Variants in ENOX2 observed in about 807,000 individuals in gnomAD.
ENOX2 encodes the protein APK1 antigen.
In ENOX2, 36 loss-of-function variants were observed where a neutral mutation model predicts 45.0. The ratio of observed to expected loss-of-function variants is 0.80; its 90% CI spans 0.61 to 1.06. The LOEUF (loss-of-function observed/expected upper bound fraction) is 1.06. Ranked by LOEUF, ENOX2 falls within the 50% of genes least tolerant of loss-of-function variation. The probability of loss-of-function intolerance (pLI) is 0.00; values close to 1 mark genes in which losing one functional copy is unlikely to be tolerated. For synonymous variants in ENOX2, 174 were observed against 152.3 expected, an observed-to-expected ratio of 1.14 and a Z score of -1.05; for missense variants, 423 against 462.5, an observed-to-expected ratio of 0.91 and a Z score of 0.78.
intron 2 of ENOX2, among the ~76,000 whole-genome samples, chrX:130,863,236 C>G: frequency 1.8e-5 from 2 of 112,446 alleles, no homozygotes; most frequent in Middle Eastern, 4.6e-3. Flanking sequence ...AATGTTAAAG[C>G]TAGGTGGGAC....
chrX:130,637,683 G>A (rs1370350176), intron 10 of ENOX2, among the ~76,000 whole-genome samples: 1 of 111,542 alleles, frequency 9.0e-6, no homozygotes, highest in Non-Finnish European at 1.9e-5. Flanking sequence ...TGAAATGTAG[G>A]AAATAACAGC....
At chrX:130,648,009 T>C (rs971831541) in intron 10 of ENOX2, among the ~76,000 whole-genome samples, 5 of 111,594 alleles carry the variant, frequency 4.5e-5, no homozygotes, top group African/African-American at 1.6e-4. Context: ...AATCAAACTC[T>C]GACGTGAAAA....
intron 2 of ENOX2, among the ~76,000 whole-genome samples, chrX:130,848,035 T>C (rs1262586164): frequency 9.0e-6 from 1 of 111,594 alleles, no homozygotes; most frequent in African/African-American, 3.3e-5. Context: ...GTTGTTTTTG[T>C]TTTTGTTTTT....
intron 3 of ENOX2, among the ~76,000 whole-genome samples, chrX:130,715,632 C>G (rs2038310017): frequency 9.0e-6 from 1 of 110,668 alleles, no homozygotes; most frequent in South Asian, 3.9e-4. Context: ...TTGGCCAGAC[C>G]AGGCATGATA....
intron 5 of ENOX2, 101 bp from the exon 6 acceptor site, chrX:130,679,849 T>C: frequency 1.6e-6 from 1 of 632,202 alleles, no homozygotes; most frequent in Non-Finnish European, 2.5e-6. Flanking sequence ...AACTTTTGTC[T>C]AAGAGTGTCA....
intron 14 of ENOX2, among the ~76,000 whole-genome samples, chrX:130,625,935 C>G (rs767876396): frequency 1.8e-5 from 2 of 111,142 alleles, no homozygotes; most frequent in Non-Finnish European, 3.8e-5. Context: ...CACACACACA[C>G]ACACACACAC....
intron 2 of ENOX2, among the ~76,000 whole-genome samples, chrX:130,883,766 A>C (rs1052645289): frequency 1.8e-5 from 2 of 111,218 alleles, no homozygotes; most frequent in Non-Finnish European, 3.8e-5. Flanking sequence ...GGTGTACCAA[A>C]GAGGAAAATC....
chrX:130,638,256 C>G (rs1194888627), intron 10 of ENOX2, among the ~76,000 whole-genome samples: 1 of 108,922 alleles, frequency 9.2e-6, no homozygotes, highest in African/African-American at 3.3e-5. Context: ...TCAGTAGAGG[C>G]GGGGTTTTGC....
chrX:130,841,988 C>A (rs2078023407), intron 2 of ENOX2, among the ~76,000 whole-genome samples: 1 of 112,285 alleles, frequency 8.9e-6, no homozygotes, highest in Non-Finnish European at 1.9e-5. Flanking sequence ...TCTTCATAGA[C>A]CAAAAGCCCC....
At chrX:130,871,052 G>A (rs2078577460) in intron 2 of ENOX2, among the ~76,000 whole-genome samples, 1 of 111,088 alleles carries the variant, frequency 9.0e-6, no homozygotes, top group South Asian at 3.8e-4. Flanking sequence ...ATGAGAAAGA[G>A]CCAGTATCAA....
At chrX:130,709,346 T>G (rs766669203) in intron 3 of ENOX2, 1 of 1,057,368 alleles carries the variant, frequency 9.5e-7, no homozygotes, top group African/African-American at 1.8e-5. Flanking sequence ...AGAAAGAAGA[T>G]AGTAGTCTCA....
At chrX:130,771,260 T>C (rs2039735867) in intron 3 of ENOX2, among the ~76,000 whole-genome samples, 1 of 111,864 alleles carries the variant, frequency 8.9e-6, no homozygotes, top group Non-Finnish European at 1.9e-5. Flanking sequence ...GCTTCAATAA[T>C]AACATCTTAA....
intron 2 of ENOX2, among the ~76,000 whole-genome samples, chrX:130,863,954 T>C (rs1291089831): frequency 9.1e-6 from 1 of 109,407 alleles, no homozygotes; most frequent in African/African-American, 3.5e-5. Flanking sequence ...GAGTTGTTAA[T>C]GTCAAACATT....
At chrX:130,839,151 T>G (rs2077973617) in intron 2 of ENOX2, among the ~76,000 whole-genome samples, 1 of 112,372 alleles carries the variant, frequency 8.9e-6, no homozygotes, top group Admixed American at 9.4e-5. Flanking sequence ...GTAGAGTTCA[T>G]GCTTTGGAAG....
At chrX:130,865,396 C>A (rs1461962177) in intron 2 of ENOX2, among the ~76,000 whole-genome samples, 1 of 112,019 alleles carries the variant, frequency 8.9e-6, no homozygotes, top group Non-Finnish European at 1.9e-5. Context: ...CTACCTCCAT[C>A]TTCACTGTGC....
intron 3 of ENOX2, among the ~76,000 whole-genome samples, chrX:130,733,406 T>G (rs1175061473): frequency 9.0e-6 from 1 of 110,888 alleles, no homozygotes; most frequent in East Asian, 2.8e-4. Flanking sequence ...CTGGAAAAGT[T>G]TGGCTGTTTC....
chrX:130,712,173 GT>G (rs1195083377), intron 3 of ENOX2, among the ~76,000 whole-genome samples: 1 of 111,904 alleles, frequency 8.9e-6, no homozygotes, highest in Non-Finnish European at 1.9e-5. Flanking sequence ...TGATAATGAT[GT>G]TGATTCCTAA....
intron 10 of ENOX2, among the ~76,000 whole-genome samples, chrX:130,652,803 A>C (rs185545335): frequency 0.01 from 1,149 of 112,404 alleles, 4 homozygotes; most frequent in Non-Finnish European, 0.017. Context: ...ACATGAAGAC[A>C]GAGATTGGGA....
At chrX:130,639,785 T>C (rs944907666) in intron 10 of ENOX2, among the ~76,000 whole-genome samples, 3 of 111,938 alleles carry the variant, frequency 2.7e-5, no homozygotes, top group Admixed American at 9.4e-5. Flanking sequence ...AAAACACTAA[T>C]AGAAATGAAG....
Sources: gnomAD v4.1 joint callset for allele counts (sites outside exome capture counted in the v4.1 genomes callset) on GRCh38, gnomAD v4.1.1 for gene constraint, MANE v1.5 for transcripts, NCBI Gene and HGNC (gene_info 2026-07-23, HGNC 2026-07-21) for gene names.